Variants in CNTN4 observed in about 807,000 individuals in gnomAD.
CNTN4 encodes the protein contactin 4, also known as contactin-4.
CNTN4 carries 77 observed loss-of-function variants against 122.5 expected under a neutral mutation model. The ratio of observed to expected loss-of-function variants is 0.63; its 90% confidence interval spans 0.52 to 0.76. The LOEUF is 0.76. CNTN4 is among the 30% of genes least tolerant of loss of function. The pLI is 0.00. For synonymous variants in CNTN4, 512 were observed against 447.0 expected (o/e 1.15, Z -1.83); for missense variants, 1,256 against 1,259.1 (o/e 1.00, Z 0.04).
At chr3:2,432,249 C>T (rs1408461312) in intron 3 of CNTN4, among the ~76,000 whole-genome samples, 2 of 152,194 alleles carry the variant, frequency 1.3e-5, no homozygotes, top group African/African-American at 4.8e-5. Context: ...TCCCTTCCAT[C>T]ACTGTGCTTA....
intron 3 of CNTN4, among the ~76,000 whole-genome samples, chr3:2,467,199 T>A (rs1415474408): frequency 6.8e-6 from 1 of 147,452 alleles, no homozygotes; most frequent in Non-Finnish European, 1.5e-5. Context: ...TACCCAAGGG[T>A]ATGAATATTG....
intron 3 of CNTN4, among the ~76,000 whole-genome samples, chr3:2,424,924 T>G (rs1001919344): frequency 2.0e-5 from 3 of 152,240 alleles, no homozygotes; most frequent in African/African-American, 7.2e-5. Context: ...GTTGTTTGAC[T>G]TATTCTTGTA....
intron 3 of CNTN4, among the ~76,000 whole-genome samples, chr3:2,452,416 C>T (rs1304006571): frequency 6.6e-6 from 1 of 152,096 alleles, no homozygotes; most frequent in Non-Finnish European, 1.5e-5. Context: ...CCTTACATGC[C>T]TTCTGGTGGC....
chr3:3,010,288 C>T (rs1296258161), intron 14 of CNTN4, among the ~76,000 whole-genome samples: 1 of 152,102 alleles, frequency 6.6e-6, no homozygotes, highest in East Asian at 1.9e-4. Context: ...TCAAGTAATA[C>T]CCGAATTCCC....
At chr3:2,238,584 T>G (rs192898852) in intron 2 of CNTN4, among the ~76,000 whole-genome samples, 26 of 151,996 alleles carry the variant, frequency 1.7e-4, no homozygotes, top group African/African-American at 6.0e-4. Context: ...GCTATTTATT[T>G]GGCTTTAAAT....
At position 2,631,084 on chromosome 3, in the gene CNTN4, C is replaced by G. The variant is rs112518751; in HGVS notation, c.55+59526C>G. On this transcript the variant is annotated intron_variant, in intron 4 of 24. Transcript: ENST00000418658. Reference sequence around the variant, plus strand: ...CTGTTCTCCAGAAATTAAGTCTTAACAATGTTTTCTAAGAGCAATAGCCCT... The same window carrying G: ...CTGTTCTCCAGAAATTAAGTCTTAAGAATGTTTTCTAAGAGCAATAGCCCT... 2.3e-3 allele frequency among the ~76,000 whole-genome samples: 357 copies of G among 152,248 alleles called. 3 individuals carry two copies. The highest frequency in any genetic ancestry group is 8.1e-3 in the African/African-American group (338 of 41,540).
At chr3:2,399,273 C>T (rs2046753248) in intron 3 of CNTN4, among the ~76,000 whole-genome samples, 1 of 152,044 alleles carries the variant, frequency 6.6e-6, no homozygotes, top group Non-Finnish European at 1.5e-5. Context: ...TAAGCATGTT[C>T]AGCTTCCTCA....
chr3:2,160,912 A>G (rs1181355793), intron 2 of CNTN4, among the ~76,000 whole-genome samples: 1 of 152,148 alleles, frequency 6.6e-6, no homozygotes, highest in Non-Finnish European at 1.5e-5. Context: ...GTGAACAAGA[A>G]GGTATAATCC....
At chr3:2,306,135 T>C (rs1189202123) in intron 2 of CNTN4, among the ~76,000 whole-genome samples, 1 of 152,214 alleles carries the variant, frequency 6.6e-6, no homozygotes, top group East Asian at 1.9e-4. Context: ...TTTATTTTGC[T>C]TAGATGTCCT....
intron 3 of CNTN4, among the ~76,000 whole-genome samples, chr3:2,357,927 AT>A (rs1490022453): frequency 2.0e-5 from 3 of 152,190 alleles, no homozygotes; most frequent in Non-Finnish European, 4.4e-5. Flanking sequence ...ATCCTATTTC[AT>A]TTAGAAGTTT....
intron 2 of CNTN4, among the ~76,000 whole-genome samples, chr3:2,217,841 G>A (rs1270939769): frequency 4.6e-5 from 7 of 152,136 alleles, no homozygotes; most frequent in African/African-American, 1.4e-4. Flanking sequence ...ACATACCCAC[G>A]AGTATATTAG....
intron 2 of CNTN4, among the ~76,000 whole-genome samples, chr3:2,235,599 T>C (rs2039651676): frequency 6.6e-6 from 1 of 152,158 alleles, no homozygotes; most frequent in South Asian, 2.1e-4. Flanking sequence ...GGAGCTTTGC[T>C]ATCCTATATG....
At chr3:2,751,003 A>C (rs2090060688) in intron 6 of CNTN4, among the ~76,000 whole-genome samples, 1 of 152,130 alleles carries the variant, frequency 6.6e-6, no homozygotes. Context: ...GTTGGCCCAC[A>C]TTAAAAGGAT....
At chr3:2,830,599 T>C (rs1423166808) in intron 7 of CNTN4, among the ~76,000 whole-genome samples, 1 of 152,180 alleles carries the variant, frequency 6.6e-6, no homozygotes, top group Non-Finnish European at 1.5e-5. Context: ...AGGAGAGTGC[T>C]ACCAGGGATG....
chr3:2,353,990 T>A (rs2044760123), intron 3 of CNTN4, among the ~76,000 whole-genome samples: 6 of 152,214 alleles, frequency 3.9e-5, no homozygotes, highest in Admixed American at 3.9e-4. Flanking sequence ...TTAGAGCACA[T>A]ATGAAATACT....
chr3:2,835,889 G>A (rs1045414351), intron 7 of CNTN4, among the ~76,000 whole-genome samples: 2 of 152,010 alleles, frequency 1.3e-5, no homozygotes, highest in African/African-American at 4.8e-5. Flanking sequence ...GAAATGGAAA[G>A]AAAGAAGATA....
chr3:2,253,744 C>T lies in CNTN4; in HGVS notation c.-144-85434C>T, dbSNP rs1264810127. ...GCAGCCTTAACCTCCTGGACTCGAT[C>T]TATCCTCCCGCCTCAGCCTTTGAAA... On this transcript the variant is annotated intron_variant, in intron 2 of 24. Transcript: ENST00000418658. Among the ~76,000 whole-genome samples the T allele has an allele frequency of 4.6e-5, 7 of 151,942 alleles. 1 individual carries two copies. Among genetic ancestry groups the T allele is most frequent in the Admixed American group, 3.3e-4 (5 of 15,236 alleles).
At chr3:2,182,253 TTC>T (rs1284292278) in intron 2 of CNTN4, among the ~76,000 whole-genome samples, 1 of 151,818 alleles carries the variant, frequency 6.6e-6, no homozygotes, top group Non-Finnish European at 1.5e-5. Context: ...GTTTCTCTAT[TTC>T]TCTGTCTTTT....
intron 2 of CNTN4, among the ~76,000 whole-genome samples, chr3:2,256,013 GAA>G (rs2040575317): frequency 6.6e-6 from 1 of 152,110 alleles, no homozygotes; most frequent in Admixed American, 6.6e-5. Context: ...CTGGTTTTTT[GAA>G]AAGATTAGCA....
Sources: gnomAD v4.1 joint callset for allele counts (sites outside exome capture counted in the v4.1 genomes callset) on GRCh38, gnomAD v4.1.1 for gene constraint, MANE v1.5 for transcripts, NCBI Gene and HGNC (gene_info 2026-07-23, HGNC 2026-07-21) for gene names.